The following FOXO3 variants were observed in gnomAD, a reference collection of about 807,000 sequenced individuals.
FOXO3 encodes forkhead box protein O3.
In FOXO3, 4 loss-of-function variants were observed where a neutral mutation model predicts 41.9. The ratio of observed to expected loss-of-function variants is 0.10; its 90% CI spans 0.05 to 0.22. The LOEUF (loss-of-function observed/expected upper bound fraction) is 0.22. Ranked by LOEUF, FOXO3 falls within the 10% of genes least tolerant of loss-of-function variation. The pLI, the probability that FOXO3 is intolerant of heterozygous loss-of-function variation, is 1.00. For missense variants in FOXO3, 534 were observed against 906.8 expected (o/e 0.59, Z 5.28); for synonymous variants, 318 against 389.3 (o/e 0.82, Z 2.16).
chr6:108,560,692 C>G (rs1382393546), upstream of FOXO3, among the ~76,000 whole-genome samples: 1 of 152,110 alleles, frequency 6.6e-6, no homozygotes. Context: ...CATAAACAAA[C>G]GCACGCACAC....
chr6:108,678,816 C>T (rs914246638), intron 2 of FOXO3, among the ~76,000 whole-genome samples: 2 of 150,632 alleles, frequency 1.3e-5, no homozygotes, highest in East Asian at 2.0e-4. Flanking sequence ...TCTCTTGAGC[C>T]CAGGAGTTCA....
intron 1 of FOXO3, among the ~76,000 whole-genome samples, chr6:108,579,128 A>G (rs1007291579): frequency 6.6e-6 from 1 of 152,064 alleles, no homozygotes; most frequent in Non-Finnish European, 1.5e-5. Context: ...ATTCATAAAC[A>G]CTAAAACAAA....
At chr6:108,672,301 A>G (rs1464251068) in intron 2 of FOXO3, among the ~76,000 whole-genome samples, 2 of 152,290 alleles carry the variant, frequency 1.3e-5, no homozygotes, top group East Asian at 3.9e-4. Flanking sequence ...AGTTACTGTG[A>G]TACAATTTGA....
chr6:108,661,521 G>A (rs538458227), intron 1 of FOXO3, among the ~76,000 whole-genome samples: 195 of 152,176 alleles, frequency 1.3e-3, no homozygotes, highest in African/African-American at 4.6e-3. Context: ...GAATGAGCCT[G>A]CTGCAGGCCA....
chr6:108,595,270 G>A (rs1042709673), intron 1 of FOXO3, among the ~76,000 whole-genome samples: 2 of 152,108 alleles, frequency 1.3e-5, no homozygotes, highest in African/African-American at 4.8e-5. Flanking sequence ...TTGAATTTTC[G>A]GAAATACTGG....
chr6:108,656,518 G>A (rs912178484), intron 1 of FOXO3: 9 of 985,202 alleles, frequency 9.1e-6, no homozygotes, highest in Admixed American at 1.2e-4. Context: ...TTGGCTTAAA[G>A]TATATGATGC....
Position 108,561,059 on chromosome 6 carries a change from C to G in FOXO3, c.-150C>G. On this transcript the variant is annotated 5_prime_UTR_variant, in exon 1 of 3. Transcript: ENST00000406360. ...CTCCGGCCCGGGATAACCAACTCTC[C>G]TTCTCTCTTCTTTGGTGCTTCCCCA... 3.5e-6 allele frequency: 5 copies of G among 1,418,860 alleles called. No individual in the cohort carries two copies. The highest frequency in any genetic ancestry group is 4.6e-6 in the Non-Finnish European group (5 of 1,097,652). 87.9% of individuals were successfully genotyped at this position (1,418,860 alleles called of 1,614,324 possible). A position where few individuals can be genotyped will look rare whatever the true frequency, so the allele number is the denominator to read the frequency against.
chr6:108,605,559 A>G (rs1777176157), intron 1 of FOXO3, among the ~76,000 whole-genome samples: 1 of 152,228 alleles, frequency 6.6e-6, no homozygotes, highest in African/African-American at 2.4e-5. Context: ...TCTCAGAAAA[A>G]GAAACAGGCC....
chr6:108,636,491 G>GT (rs1041487923), intron 1 of FOXO3, among the ~76,000 whole-genome samples: 13 of 152,130 alleles, frequency 8.5e-5, no homozygotes, highest in African/African-American at 3.1e-4. Flanking sequence ...CTGGGCTGGG[G>GT]TGGGGGGTGC....
chr6:108,625,941 T>C (rs1408536525), intron 1 of FOXO3, among the ~76,000 whole-genome samples: 1 of 152,222 alleles, frequency 6.6e-6, no homozygotes, highest in Non-Finnish European at 1.5e-5. Context: ...GCACTTTGAC[T>C]TAGAATTGTG....
At chr6:108,597,207 G>T (rs1776910267) in intron 1 of FOXO3, among the ~76,000 whole-genome samples, 1 of 152,176 alleles carries the variant, frequency 6.6e-6, no homozygotes, top group Admixed American at 6.5e-5. Context: ...TGTATAAGTT[G>T]TTTCCATGGC....
intron 1 of FOXO3, among the ~76,000 whole-genome samples, chr6:108,576,506 T>C (rs1776265773): frequency 6.6e-6 from 1 of 152,236 alleles, no homozygotes; most frequent in Admixed American, 6.5e-5. Flanking sequence ...TTAGGAAAGG[T>C]AACGTGCTGC....
At chr6:108,651,459 A>G (rs1439438889) in intron 1 of FOXO3, among the ~76,000 whole-genome samples, 1 of 152,228 alleles carries the variant, frequency 6.6e-6, no homozygotes, top group Non-Finnish European at 1.5e-5. Flanking sequence ...GTGCCCACAC[A>G]CTGGCATATA....
intron 1 of FOXO3, among the ~76,000 whole-genome samples, chr6:108,636,716 T>C (rs1315549468): frequency 2.0e-5 from 3 of 152,056 alleles, no homozygotes; most frequent in African/African-American, 7.2e-5. Context: ...TAAGGGACCT[T>C]CCTTTGACAT....
intron 1 of FOXO3, among the ~76,000 whole-genome samples, chr6:108,658,593 G>C (rs769854306): frequency 2.2e-4 from 33 of 152,086 alleles, no homozygotes; most frequent in Non-Finnish European, 4.1e-4. Context: ...TGTCATCCAG[G>C]CTGGAGTGCA....
At position 108,597,717 on chromosome 6, in the gene FOXO3, A is replaced by G. The variant is rs951941687; in HGVS notation, c.621+35888A>G. On this transcript the variant is annotated intron_variant, in intron 1 of 2. Transcript: ENST00000406360. ...ACGTCTGCAGGCTTTGGTAACTCAT[A>G]CTGTAGACCTGTATGTGGCTGTGTC... Among the ~76,000 whole-genome samples, 3 of 152,250 alleles carry G rather than the reference A, an allele frequency of 2.0e-5. No individual in the cohort carries two copies. In the East Asian group the frequency reaches 5.8e-4, roughly 29 times the overall value.
At chr6:108,645,829 A>G (rs1778379112) in intron 1 of FOXO3, among the ~76,000 whole-genome samples, 1 of 152,224 alleles carries the variant, frequency 6.6e-6, no homozygotes, top group Non-Finnish European at 1.5e-5. Flanking sequence ...TTGGAATTTT[A>G]TAATTTTTAA....
intron 1 of FOXO3, among the ~76,000 whole-genome samples, chr6:108,569,888 T>A (rs1776044687): frequency 6.6e-6 from 1 of 151,680 alleles, no homozygotes; most frequent in Non-Finnish European, 1.5e-5. Context: ...CCAACAGAGA[T>A]GTGTTTGGCA....
At chr6:108,634,896 CA>C (rs1317203914) in intron 1 of FOXO3, among the ~76,000 whole-genome samples, 10 of 151,556 alleles carry the variant, frequency 6.6e-5, no homozygotes, top group Admixed American at 2.0e-4. Flanking sequence ...AATATGCGAG[CA>C]GTATTATGTA....
Sources: gnomAD v4.1 joint callset for allele counts (sites outside exome capture counted in the v4.1 genomes callset) on GRCh38, gnomAD v4.1.1 for gene constraint, MANE v1.5 for transcripts, NCBI Gene and HGNC (gene_info 2026-07-23, HGNC 2026-07-21) for gene names.